Variants in GGA2 observed in about 807,000 individuals in gnomAD.
GGA2 encodes ADP-ribosylation factor-binding protein GGA2.
A neutral mutation model predicts 79.5 loss-of-function variants in GGA2; 48 were observed. The ratio of observed to expected loss-of-function variants is 0.60; its 90% CI spans 0.48 to 0.77. The LOEUF (loss-of-function observed/expected upper bound fraction) is 0.77. Among genes scored for constraint, GGA2 ranks in the 30% least tolerant of loss-of-function variants. The probability of loss-of-function intolerance (pLI) is 0.00; values close to 1 mark genes in which losing one functional copy is unlikely to be tolerated. For missense variants in GGA2, 770 were observed against 774.0 expected (o/e 0.99, Z 0.06); for synonymous variants, 317 against 302.0 (o/e 1.05, Z -0.51).
rs1396429436 is a variant in GGA2 at position 23,482,997 on chromosome 16, T to C, written c.806A>G (p.Tyr269Cys). ...GGGCCGCAGCTTTTCACACCTCTCATACACGACCTGAAAGAGCAGAGCTTG... is the reference window on the plus strand; with the variant it reads ...GGGCCGCAGCTTTTCACACCTCTCACACACGACCTGAAAGAGCAGAGCTTG... ...PPDQEALQVVYERCEKLRPTL... is the reference protein window; with the variant it reads ...PPDQEALQVVCERCEKLRPTL... The change falls in exon 9 of 17, where the codon TAT becomes TGT. Residue 269 changes from tyrosine (Y) to cysteine (C), a missense_variant. Transcript: ENST00000309859. The C allele has an allele frequency of 3.7e-6, 6 of 1,608,852 alleles. No homozygotes were observed. Among genetic ancestry groups the C allele is most frequent in the Non-Finnish European group, 4.3e-6 (5 of 1,175,314 alleles).
At chr16:23,480,029 G>A in intron 10 of GGA2, 142 bp from the exon 11 acceptor site, 1 of 728,596 alleles carries the variant, frequency 1.4e-6, no homozygotes, top group Non-Finnish European at 2.2e-6. Flanking sequence ...CCACTCAGCT[G>A]AGTGTCCTGA....
At chr16:23,493,080 T>C (rs1295150426) in intron 4 of GGA2, among the ~76,000 whole-genome samples, 9 of 152,196 alleles carry the variant, frequency 5.9e-5, no homozygotes, top group Admixed American at 5.9e-4. Flanking sequence ...ACTGTCTCTA[T>C]CAGGAACCTG....
intron 1 of GGA2, among the ~76,000 whole-genome samples, chr16:23,507,571 T>C (rs150401967): frequency 6.9e-6 from 1 of 144,360 alleles, no homozygotes; most frequent in Non-Finnish European, 1.5e-5. Context: ...GACGTTGCAG[T>C]GAGCTGAGAT....
intron 8 of GGA2, among the ~76,000 whole-genome samples, chr16:23,484,181 G>C (rs1457660963): frequency 6.6e-6 from 1 of 151,446 alleles, no homozygotes; most frequent in Non-Finnish European, 1.5e-5. Flanking sequence ...GCTGAGACGG[G>C]TGGATCACCT....
chr16:23,501,628 T>A, intron 1 of GGA2: 2 of 254,164 alleles, frequency 7.9e-6, no homozygotes, highest in Non-Finnish European at 1.6e-5. Context: ...GCTGTCAGCA[T>A]GAATTTCATT....
At chr16:23,480,836 C>G in intron 9 of GGA2, 66 bp from the exon 10 acceptor site, 2 of 1,513,118 alleles carry the variant, frequency 1.3e-6, no homozygotes, top group South Asian at 2.3e-5. Context: ...CTTTTCTAAG[C>G]TTTTCCATAA....
intron 5 of GGA2, 114 bp from the exon 6 acceptor site, chr16:23,488,823 T>C: frequency 3.1e-6 from 2 of 642,914 alleles, no homozygotes; most frequent in Non-Finnish European, 2.8e-6. Flanking sequence ...AGCAAAGCAC[T>C]GTCAACAGCC....
chr16:23,474,916 A>C lies in GGA2; in HGVS notation c.1438T>G (p.Ser480Ala). The part of the protein sequence containing the change: ...PLAQVFVPLE[S>A]VKPSSLPPLI... ...AAATTGTACTTACTGGGCTTAACAGACTCCAAAGGGACAAACACTTGAGCC... is the reference window on the plus strand; with the variant it reads ...AAATTGTACTTACTGGGCTTAACAGCCTCCAAAGGGACAAACACTTGAGCC... The change falls in exon 14 of 17, where the codon TCT becomes GCT. Residue 480 changes from serine to alanine, a missense_variant. Coordinates refer to ENST00000309859, the MANE Select transcript of GGA2 (RefSeq NM_015044.4). 2 of 1,611,758 alleles carry C rather than the reference A, an allele frequency of 1.2e-6. No individual in the cohort carries two copies. Among genetic ancestry groups the C allele is most frequent in the African/African-American group, 1.3e-5 (1 of 74,864 alleles).
chr16:23,518,681 G>C (rs529788205), intron 2 of GGA2, among the ~76,000 whole-genome samples: 1 of 148,038 alleles, frequency 6.8e-6, no homozygotes, highest in Non-Finnish European at 1.5e-5. Flanking sequence ...AAAGAGGAAA[G>C]ACTTCCCCGC....
chr16:23,471,248 T>A (rs1291506128), intron 14 of GGA2, among the ~76,000 whole-genome samples: 1 of 152,176 alleles, frequency 6.6e-6, no homozygotes, highest in Admixed American at 6.6e-5. Context: ...TACCACCTTA[T>A]ATTTAATTGT....
At chr16:23,514,587 A>G (rs1419088246), upstream of GGA2, among the ~76,000 whole-genome samples, 1 of 152,024 alleles carries the variant, frequency 6.6e-6, no homozygotes, top group African/African-American at 2.4e-5. Flanking sequence ...AGTAGCTGGG[A>G]TAACAGGCAC....
Position 23,470,068 on chromosome 16 carries a change from C to A in GGA2, c.1548G>T (p.Val516=). The change falls in exon 15 of 17, where the codon GTG becomes GTT. Residue 516 remains valine (V), a synonymous_variant. Transcript: ENST00000309859. Reference sequence around the variant, plus strand: ...CCGTGCTCATCATGGTCAAGAGCAGCACCTGTACCTCTGGGTGCCCAGGGG... The same window carrying A: ...CCGTGCTCATCATGGTCAAGAGCAGAACCTGTACCTCTGGGTGCCCAGGGG... ...TGAPGHPEVQ[V]LLLTMMSTAP... 1 of 1,610,458 alleles carries A rather than the reference C, an allele frequency of 6.2e-7. No homozygotes were observed. Among genetic ancestry groups the A allele is most frequent in the South Asian group, 1.1e-5 (1 of 89,928 alleles).
intron 1 of GGA2, among the ~76,000 whole-genome samples, chr16:23,520,571 C>T (rs891729211): frequency 4.0e-5 from 6 of 151,554 alleles, no homozygotes; most frequent in African/African-American, 1.5e-4. Context: ...ATAGGAGGAT[C>T]TCTTGAGCCC....
Position 23,474,917 on chromosome 16 carries a change from C to A in GGA2, c.1437G>T (p.Glu479Asp). The A allele has an allele frequency of 1.9e-6, 3 of 1,611,620 alleles. No individual in the cohort carries two copies. Among genetic ancestry groups the A allele is most frequent in the Non-Finnish European group, 2.5e-6 (3 of 1,177,966 alleles). ...AATTGTACTTACTGGGCTTAACAGACTCCAAAGGGACAAACACTTGAGCCA... is the reference window on the plus strand; with the variant it reads ...AATTGTACTTACTGGGCTTAACAGAATCCAAAGGGACAAACACTTGAGCCA... Reference protein sequence around the residue: ...TPLAQVFVPLESVKPSSLPPL... With the variant: ...TPLAQVFVPLDSVKPSSLPPL... Residue 479 changes from glutamate to aspartate, a missense_variant, in exon 14 of 17, where the codon GAG (glutamate) becomes GAT (aspartate). Glu to Asp is a conservative substitution (Grantham distance 45). Coordinates refer to ENST00000309859, the MANE Select transcript of GGA2 (RefSeq NM_015044.4).
At chr16:23,471,642 G>A (rs1964512605) in intron 14 of GGA2, among the ~76,000 whole-genome samples, 2 of 152,134 alleles carry the variant, frequency 1.3e-5, no homozygotes, top group African/African-American at 4.8e-5. Flanking sequence ...TCTCATGCCT[G>A]TAATCCCAGC....
intron 13 of GGA2, among the ~76,000 whole-genome samples, chr16:23,475,759 A>AAAAAAAT (rs1171060733): frequency 6.6e-6 from 1 of 151,284 alleles, no homozygotes; most frequent in East Asian, 2.0e-4. Flanking sequence ...CAAAAATTAA[A>AAAAAAAT]AAAAAATAAA....
chr16:23,464,668 G>A lies in GGA2; in HGVS notation c.*2922C>T, dbSNP rs1045458754. Reference sequence around the variant, plus strand: ...ATGCAACTACTCTGCGGATACAGACGAAGCAGGAATCAGGGACCCAATAAG... The same window carrying A: ...ATGCAACTACTCTGCGGATACAGACAAAGCAGGAATCAGGGACCCAATAAG... On this transcript the variant is annotated 3_prime_UTR_variant, in exon 17 of 17. Coordinates refer to ENST00000309859, the MANE Select transcript of GGA2 (RefSeq NM_015044.4). The A allele has an allele frequency of 6.6e-6, 1 of 152,380 alleles. No homozygotes were observed. The highest frequency in any genetic ancestry group is 2.4e-5 in the African/African-American group (1 of 41,438). 9.4% of individuals were successfully genotyped at this position (152,380 alleles called of 1,614,324 possible).
rs746788253 is a variant in GGA2 at position 23,474,855 on chromosome 16, A to C, written c.1450+49T>G. On this transcript the variant is annotated intron_variant, in intron 14 of 16. Coordinates refer to ENST00000309859, the MANE Select transcript of GGA2 (RefSeq NM_015044.4). ...GAGTGGAAAAAGCTGGGAGTCTAAT[A>C]GATTCCCAGGGAAAAAAAAAAAAAG... The C allele has an allele frequency of 1.0e-5, 14 of 1,393,604 alleles. No individual in the cohort carries two copies. In the African/African-American group the frequency reaches 2.0e-4, roughly 20 times the overall value. 86.3% of individuals were successfully genotyped at this position (1,393,604 alleles called of 1,614,324 possible).
At chr16:23,502,169 G>A (rs1319331933) in intron 1 of GGA2, among the ~76,000 whole-genome samples, 1 of 152,206 alleles carries the variant, frequency 6.6e-6, no homozygotes, top group Non-Finnish European at 1.5e-5. Flanking sequence ...CTCAACAATG[G>A]TGGGAAGAGA....
Sources: allele counts gnomAD v4.1 joint callset (sites outside exome capture counted in the v4.1 genomes callset), GRCh38; gene constraint gnomAD v4.1.1; transcripts MANE v1.5; gene names NCBI Gene and HGNC (gene_info 2026-07-23, HGNC 2026-07-21).